The following DOK6 variants were observed in gnomAD, a reference collection of about 807,000 sequenced individuals.
DOK6 encodes the protein docking protein 6.
In DOK6, 22 loss-of-function variants were observed where a neutral mutation model predicts 44.0. The observed-to-expected ratio is 0.50, with a 90% CI of 0.36 to 0.71. DOK6 has a LOEUF of 0.71. Among genes scored for constraint, DOK6 ranks in the 30% least tolerant of loss-of-function variants. The pLI is 0.00. For synonymous variants in DOK6, 166 were observed against 145.5 expected, an observed-to-expected ratio of 1.14 and a Z score of -1.01; for missense variants, 340 against 416.4, an observed-to-expected ratio of 0.82 and a Z score of 1.60.
chr18:69,455,150 C>A (rs1599139438), intron 1 of DOK6, among the ~76,000 whole-genome samples: 1 of 68,566 alleles, frequency 1.5e-5, no homozygotes, highest in Non-Finnish European at 2.6e-5. Context: ...TGCTGAATAG[C>A]TATAGCAAAA....
At chr18:69,535,452 T>C (rs17773718) in intron 1 of DOK6, among the ~76,000 whole-genome samples, 30,241 of 151,880 alleles carry the variant, frequency 0.2, 3,675 homozygotes, top group Middle Eastern at 0.34. Flanking sequence ...ATGTAGACAA[T>C]ATAATTTCCA....
chr18:69,614,367 C>T (rs1451761635), intron 3 of DOK6, among the ~76,000 whole-genome samples: 1 of 152,072 alleles, frequency 6.6e-6, no homozygotes, highest in East Asian at 1.9e-4. Flanking sequence ...TACATTTCAA[C>T]CTTTATTTTC....
chr18:69,437,923 C>G (rs1979027939), intron 1 of DOK6, among the ~76,000 whole-genome samples: 1 of 152,154 alleles, frequency 6.6e-6, no homozygotes, highest in Non-Finnish European at 1.5e-5. Flanking sequence ...TATTAAGTGT[C>G]AATATCATTG....
At chr18:69,650,759 T>C (rs1985203348) in intron 3 of DOK6, among the ~76,000 whole-genome samples, 1 of 152,188 alleles carries the variant, frequency 6.6e-6, no homozygotes, top group African/African-American at 2.4e-5. Context: ...TTCAGTGTTC[T>C]TACCACCATT....
At chr18:69,827,780 A>AT (rs1207843699) in intron 7 of DOK6, among the ~76,000 whole-genome samples, 2 of 151,996 alleles carry the variant, frequency 1.3e-5, no homozygotes, top group African/African-American at 4.8e-5. Context: ...ACATTCAATA[A>AT]TTTTGTCTAT....
rs139559786 is a variant in DOK6 at position 69,504,355 on chromosome 18, TA to T, written c.67-60123del. Among the ~76,000 whole-genome samples the T allele has an allele frequency of 1.8e-4, 27 of 150,694 alleles. 1 individual carries two copies. Among genetic ancestry groups the T allele is most frequent in the African/African-American group, 6.1e-4 (25 of 41,106 alleles). On this transcript the variant is annotated intron_variant, in intron 1 of 7. Transcript: ENST00000382713. ...GCAAGAAGATAACACCACAGTTCCTTAAAAAAAAAGCACCAGCACTTTCCAC... is the reference window on the plus strand; with the variant it reads ...GCAAGAAGATAACACCACAGTTCCTTAAAAAAAAGCACCAGCACTTTCCAC...
At chr18:69,773,395 GT>G (rs1483480565) in intron 7 of DOK6, among the ~76,000 whole-genome samples, 1 of 151,902 alleles carries the variant, frequency 6.6e-6, no homozygotes, top group Non-Finnish European at 1.5e-5. Context: ...GCACTTTCAT[GT>G]TCATTGCAGT....
chr18:69,484,856 G>A (rs1393652670), intron 1 of DOK6, among the ~76,000 whole-genome samples: 2 of 152,030 alleles, frequency 1.3e-5, no homozygotes, highest in Non-Finnish European at 2.9e-5. Context: ...CCAACAAAAA[G>A]TGCAAAAATG....
intron 3 of DOK6, among the ~76,000 whole-genome samples, chr18:69,635,699 G>A (rs1463346607): frequency 1.8e-5 from 1 of 55,556 alleles, no homozygotes; most frequent in Non-Finnish European, 1.0e-4. Flanking sequence ...GAGATGTGGT[G>A]CAGGTGGAAG....
intron 6 of DOK6, among the ~76,000 whole-genome samples, chr18:69,745,532 G>A (rs924373425): frequency 1.3e-4 from 20 of 152,186 alleles, no homozygotes; most frequent in African/African-American, 4.8e-4. Context: ...TTGCCTGGGA[G>A]GATAATGAAG....
chr18:69,411,517 G>C (rs1978305887), intron 1 of DOK6, among the ~76,000 whole-genome samples: 1 of 152,130 alleles, frequency 6.6e-6, no homozygotes, highest in East Asian at 1.9e-4. Flanking sequence ...TGGGAAAAAT[G>C]AGTCTTTCAC....
At chr18:69,713,427 CTT>C (rs1287765817) in intron 5 of DOK6, among the ~76,000 whole-genome samples, 3 of 152,148 alleles carry the variant, frequency 2.0e-5, no homozygotes, top group African/African-American at 4.8e-5. Context: ...TACCAAATCT[CTT>C]TTATTTATGT....
chr18:69,414,124 G>A (rs113050100), intron 1 of DOK6, among the ~76,000 whole-genome samples: 8,558 of 152,044 alleles, frequency 0.056, 275 homozygotes, highest in Middle Eastern at 0.12. Flanking sequence ...GGATAGCTGG[G>A]TCACTCATTA....
intron 3 of DOK6, among the ~76,000 whole-genome samples, chr18:69,615,701 A>T (rs903246547): frequency 3.3e-5 from 5 of 152,234 alleles, no homozygotes; most frequent in Non-Finnish European, 7.3e-5. Context: ...AAAAGTTTAC[A>T]TTATTTTGGT....
chr18:69,748,008 A>G (rs1448880970), intron 6 of DOK6, among the ~76,000 whole-genome samples: 1 of 152,222 alleles, frequency 6.6e-6, no homozygotes, highest in Non-Finnish European at 1.5e-5. Flanking sequence ...ACAATCTTAC[A>G]TGCAAAGACA....
chr18:69,624,710 A>C (rs2144640978), intron 3 of DOK6, among the ~76,000 whole-genome samples: 1 of 152,170 alleles, frequency 6.6e-6, no homozygotes, highest in African/African-American at 2.4e-5. Flanking sequence ...TTCTAAGTTA[A>C]CAATATCATT....
intron 3 of DOK6, among the ~76,000 whole-genome samples, chr18:69,650,754 T>C (rs1359283612): frequency 1.3e-5 from 2 of 152,198 alleles, no homozygotes; most frequent in East Asian, 3.9e-4. Context: ...TCATGTTCAG[T>C]GTTCTTACCA....
chr18:69,473,993 C>T (rs73468815), intron 1 of DOK6, among the ~76,000 whole-genome samples: 29,773 of 152,060 alleles, frequency 0.2, 3,299 homozygotes, highest in Non-Finnish European at 0.23. Context: ...GAAGGTCAGC[C>T]TTCAGACTCA....
rs927616069 is a variant in DOK6, at chr18:69,596,255, G to A, written c.175-3129G>A. Among the ~76,000 whole-genome samples the A allele has an allele frequency of 4.6e-5, 7 of 152,040 alleles. No homozygotes were observed. In the East Asian group the frequency reaches 1.4e-3, roughly 29 times the overall value. ...ATATGTGAAGTAATATATGCCCCCAGGATATTTTTTTAAAAAATAAAGAAA... is the reference window on the plus strand; with the variant it reads ...ATATGTGAAGTAATATATGCCCCCAAGATATTTTTTTAAAAAATAAAGAAA... On this transcript the variant is annotated intron_variant, in intron 2 of 7. Coordinates refer to ENST00000382713, the MANE Select transcript of DOK6 (RefSeq NM_152721.6).
Sources: allele counts gnomAD v4.1 joint callset (sites outside exome capture counted in the v4.1 genomes callset), GRCh38; gene constraint gnomAD v4.1.1; transcripts MANE v1.5; gene names NCBI Gene and HGNC (gene_info 2026-07-23, HGNC 2026-07-21).